The following ZSWIM6 variants were observed in gnomAD, a reference collection of about 807,000 sequenced individuals.
ZSWIM6 encodes zinc finger SWIM-type containing 6.
Under a neutral mutation model 113.2 loss-of-function variants are expected in ZSWIM6, and 9 were observed. That is an observed-to-expected ratio of 0.08 (90% CI 0.05 to 0.14). The LOEUF is 0.14. Ranked by LOEUF, ZSWIM6 falls within the 10% of genes least tolerant of loss-of-function variation. The probability of loss-of-function intolerance (pLI) is 1.00; values close to 1 mark genes in which losing one functional copy is unlikely to be tolerated. For synonymous variants in ZSWIM6, 611 were observed against 606.5 expected (o/e 1.01, Z -0.11); for missense variants, 1,162 against 1,552.2 (o/e 0.75, Z 4.22).
chr5:61,454,552 C>T (rs970311029), intron 1 of ZSWIM6, among the ~76,000 whole-genome samples: 6 of 150,578 alleles, frequency 4.0e-5, no homozygotes, highest in African/African-American at 1.2e-4. Flanking sequence ...TATGAGCCAC[C>T]GTGCCTATCC....
At chr5:61,519,820 G>A (rs1453293422) in intron 4 of ZSWIM6, among the ~76,000 whole-genome samples, 1 of 152,116 alleles carries the variant, frequency 6.6e-6, no homozygotes, top group Admixed American at 6.5e-5. Context: ...CCACGGATGG[G>A]GGGTGGGAGA....
chr5:61,461,735 G>GT (rs967340320), intron 1 of ZSWIM6, among the ~76,000 whole-genome samples: 46 of 151,448 alleles, frequency 3.0e-4, no homozygotes, highest in African/African-American at 7.5e-4. Flanking sequence ...AGTGAAAGCA[G>GT]TTTTTTTTTC....
chr5:61,502,620 A>G (rs1041930239), intron 4 of ZSWIM6, among the ~76,000 whole-genome samples: 5 of 152,210 alleles, frequency 3.3e-5, no homozygotes, highest in Non-Finnish European at 7.3e-5. Context: ...ACATGTACTA[A>G]AACAGGGGTT....
In ZSWIM6 at chr5:61,427,608, AG is replaced by A. The variant is rs1385661788; in HGVS notation, c.677-45071del. ...ATCCTCCTACCTCAGCCTCCCAAGT[AG>A]GTGGGACTACAGGCACAAGCCACTG... On this transcript the variant is annotated intron_variant, in intron 1 of 13. Transcript: ENST00000252744. 3.9e-5 allele frequency among the ~76,000 whole-genome samples: 6 copies of A among 152,220 alleles called. No individual in the cohort carries two copies. The South Asian group carries it at 8.3e-4, about 21-fold the overall frequency.
chr5:61,496,175 T>C (rs999840884), intron 4 of ZSWIM6, among the ~76,000 whole-genome samples: 2 of 152,138 alleles, frequency 1.3e-5, no homozygotes, highest in African/African-American at 4.8e-5. Flanking sequence ...TACTTTCTAA[T>C]TAAGGACCAG....
rs550463715 is a variant in ZSWIM6 at position 61,445,594 on chromosome 5, C to T, written c.677-27087C>T. ...TACTTAATTTTGATAATGGTGAACA[C>T]AACTAAAGTTTGAAAGCAAATGACA... On this transcript the variant is annotated intron_variant, in intron 1 of 13. Transcript: ENST00000252744. Among the ~76,000 whole-genome samples, 164 of 152,280 alleles carry T rather than the reference C, an allele frequency of 1.1e-3. 1 individual carries two copies. The highest frequency in any genetic ancestry group is 3.7e-3 in the African/African-American group (154 of 41,562).
At chr5:61,366,031 A>G (rs980953340) in intron 1 of ZSWIM6, among the ~76,000 whole-genome samples, 1 of 152,040 alleles carries the variant, frequency 6.6e-6, no homozygotes, top group African/African-American at 2.4e-5. Flanking sequence ...AGTAGCTGGG[A>G]CTACAGGCGC....
chr5:61,413,772 A>G lies in ZSWIM6; in HGVS notation c.677-58909A>G, dbSNP rs560261669. On this transcript the variant is annotated intron_variant, in intron 1 of 13. Transcript: ENST00000252744. Reference sequence around the variant, plus strand: ...TTTGATTTGCATTTCTCTGATGGCCAGTGATGATGAGCATTTTTTCATGTG... The same window carrying G: ...TTTGATTTGCATTTCTCTGATGGCCGGTGATGATGAGCATTTTTTCATGTG... Among the ~76,000 whole-genome samples, 533 of 152,246 alleles carry G rather than the reference A, an allele frequency of 3.5e-3. 3 individuals carry two copies. The highest frequency in any genetic ancestry group is 7.7e-3 in the South Asian group (37 of 4,830).
chr5:61,427,700 C>G (rs948542397), intron 1 of ZSWIM6, among the ~76,000 whole-genome samples: 8 of 151,806 alleles, frequency 5.3e-5, no homozygotes, highest in Non-Finnish European at 1.0e-4. Flanking sequence ...TGGGTGGTCT[C>G]GAACTCCCGG....
At chr5:61,491,813 G>GT (rs1554038215) in intron 3 of ZSWIM6, among the ~76,000 whole-genome samples, 8 of 150,070 alleles carry the variant, frequency 5.3e-5, no homozygotes, top group South Asian at 2.1e-4. Context: ...ATAATTAAAA[G>GT]TTTTTTTTTT....
At chr5:61,475,297 G>A (rs1280456937) in intron 2 of ZSWIM6, among the ~76,000 whole-genome samples, 2 of 152,012 alleles carry the variant, frequency 1.3e-5, no homozygotes, top group Non-Finnish European at 2.9e-5. Flanking sequence ...GTAATCAGTT[G>A]CTTGTTCTGC....
At chr5:61,384,627 C>G (rs547022213) in intron 1 of ZSWIM6, among the ~76,000 whole-genome samples, 16 of 152,278 alleles carry the variant, frequency 1.1e-4, no homozygotes, top group African/African-American at 3.9e-4. Flanking sequence ...AACTCAGGTG[C>G]TGGTGGGGTG....
chr5:61,378,367 T>C (rs1745412234), intron 1 of ZSWIM6, among the ~76,000 whole-genome samples: 1 of 152,168 alleles, frequency 6.6e-6, no homozygotes, highest in Non-Finnish European at 1.5e-5. Context: ...GGGAAAAAAG[T>C]AAAACTCCAC....
At chr5:61,393,203 A>G (rs1579972565) in intron 1 of ZSWIM6, among the ~76,000 whole-genome samples, 2 of 148,756 alleles carry the variant, frequency 1.3e-5, no homozygotes, top group Non-Finnish European at 3.0e-5. Context: ...ACCACTCCCG[A>G]CTAATTTTTT....
chr5:61,501,899 G>T (rs1256612618), intron 4 of ZSWIM6, among the ~76,000 whole-genome samples: 1 of 152,136 alleles, frequency 6.6e-6, no homozygotes, highest in East Asian at 1.9e-4. Context: ...TTCTTAGAAA[G>T]GTTCTCTCCC....
intron 1 of ZSWIM6, among the ~76,000 whole-genome samples, chr5:61,367,821 C>T (rs1410791091): frequency 1.3e-5 from 2 of 152,040 alleles, no homozygotes; most frequent in African/African-American, 2.4e-5. Context: ...TTATGAAGTA[C>T]ATTTAAAAGT....
At chr5:61,491,761 G>GTTCCT (rs1748183775) in intron 3 of ZSWIM6, among the ~76,000 whole-genome samples, 5 of 151,730 alleles carry the variant, frequency 3.3e-5, no homozygotes, top group Non-Finnish European at 7.4e-5. Flanking sequence ...ACAGATAGCT[G>GTTCCT]TTCATTGATG....
intron 1 of ZSWIM6, among the ~76,000 whole-genome samples, chr5:61,356,739 T>TAACA (rs397700664): frequency 7.7e-6 from 1 of 130,598 alleles, no homozygotes. Flanking sequence ...ATAATATATA[T>TAACA]TATATATATA....
At chr5:61,336,139 C>A (rs534640339) in intron 1 of ZSWIM6, among the ~76,000 whole-genome samples, 2 of 152,118 alleles carry the variant, frequency 1.3e-5, no homozygotes, top group Admixed American at 1.3e-4. Flanking sequence ...TGGTACGCAT[C>A]TGTGGTCCCA....
Sources: allele counts gnomAD v4.1 joint callset (sites outside exome capture counted in the v4.1 genomes callset), GRCh38; gene constraint gnomAD v4.1.1; transcripts MANE v1.5; gene names NCBI Gene and HGNC (gene_info 2026-07-23, HGNC 2026-07-21).